The following C21orf58 variants were observed in gnomAD, a reference collection of about 807,000 sequenced individuals.
The protein encoded by C21orf58 is chromosome 21 open reading frame 58.
A neutral mutation model predicts 35.8 loss-of-function variants in C21orf58; 34 were observed. That is an observed-to-expected ratio of 0.95 (90% CI 0.72 to 1.26). The LOEUF (loss-of-function observed/expected upper bound fraction) is 1.26. C21orf58 is among the 50% of genes most tolerant of loss of function. The pLI, the probability that C21orf58 is intolerant of heterozygous loss-of-function variation, is 0.00. For synonymous variants in C21orf58, 191 were observed against 175.8 expected (o/e 1.09, Z -0.68); for missense variants, 440 against 414.3 (o/e 1.06, Z -0.54).
intron 1 of C21orf58, 56 bp downstream of exon 1, chr21:46,322,583 T>A (rs981171485): frequency 1.8e-5 from 25 of 1,422,352 alleles, no homozygotes; most frequent in Non-Finnish European, 2.2e-5. Flanking sequence ...CAGAGTTTGC[T>A]CAAACCACCC....
At chr21:46,313,613 C>T (rs896114367) in intron 5 of C21orf58, among the ~76,000 whole-genome samples, 2 of 152,188 alleles carry the variant, frequency 1.3e-5, no homozygotes, top group African/African-American at 2.4e-5. Context: ...GGGGGGTCCA[C>T]AGCAATGACC....
In C21orf58 at chr21:46,322,687, C is replaced by A; in HGVS notation, c.52G>T (p.Asp18Tyr). The part of the protein sequence containing the change: ...ATSLRKPWKL[D>Y]RQKLPSPDSG... Reference sequence around the variant, plus strand: ...TCAGGAGAAGGAAGTTTCTGGCGGTCGAGCTTCCACGGCTTCCTGAGGGAG... The same window carrying A: ...TCAGGAGAAGGAAGTTTCTGGCGGTAGAGCTTCCACGGCTTCCTGAGGGAG... Residue 18 changes from aspartate to tyrosine, a missense_variant, in exon 1 of 8, where the codon GAC (aspartate) becomes TAC (tyrosine). Asp to Tyr is a radical substitution (Grantham distance 160, BLOSUM62 -3). Transcript: ENST00000291691. The A allele has an allele frequency of 6.3e-7, 1 of 1,582,936 alleles. No homozygotes were observed. Among genetic ancestry groups the A allele is most frequent in the South Asian group, 1.2e-5 (1 of 86,552 alleles).
chr21:46,302,662 C>T (rs1336607962), intron 6 of C21orf58, 86 bp from the exon 7 acceptor site: 7 of 1,095,790 alleles, frequency 6.4e-6, no homozygotes, highest in Non-Finnish European at 8.1e-6. Flanking sequence ...GACCAGAGAA[C>T]AGGTGTGTCT....
Position 46,315,525 on chromosome 21 carries a change from A to G in C21orf58, c.393T>C (p.Asp131=), listed in dbSNP as rs567040784. ...TTCTCTTCAGAGCAGTCTGCAGGGC[A>G]TCGTCCGGCCGGTCCTCATTTCCTG... is the stretch of plus-strand genomic sequence containing the variant. ...LEPGNEDRPD[D]ALQTALKRRR... is the part of the protein sequence containing the mutation. The change falls in exon 4 of 8, where the codon GAT becomes GAC. Residue 131 remains aspartate, a synonymous_variant. Transcript: ENST00000291691. 7.4e-6 allele frequency: 12 copies of G among 1,611,918 alleles called. No homozygotes were observed. In the East Asian group the frequency reaches 8.9e-5, roughly 12 times the overall value.
At position 46,301,703 on chromosome 21, in the gene C21orf58, C is replaced by A. The variant is rs546150709; in HGVS notation, c.*296G>T. On this transcript the variant is annotated 3_prime_UTR_variant, in exon 8 of 8. Coordinates refer to ENST00000291691, the MANE Select transcript of C21orf58 (RefSeq NM_058180.5). ...GGGGGATCTGAGGCTCCCAGGTGGG[C>A]CGGCGCCGCCCTACAGGAAAGGAGG... The A allele has an allele frequency of 2.7e-5, 31 of 1,168,220 alleles. No homozygotes were observed. In the South Asian group the frequency reaches 9.1e-4, roughly 34 times the overall value. The allele number at this position is 1,168,220 out of a possible 1,614,324, so 72.4% of individuals were successfully genotyped here.
Position 46,314,770 on chromosome 21 carries a change from G to A in C21orf58, c.555C>T (p.Pro185=), listed in dbSNP as rs1409824858. ...PPELPPTGIL[P]TASPSPLAPD... is the part of the protein sequence containing the mutation. ...GGGCCAGCGGGGATGGGGAGGCAGTGGGTAGGATGCCCGTGGGGGGCAGCT... is the reference window on the plus strand; with the variant it reads ...GGGCCAGCGGGGATGGGGAGGCAGTAGGTAGGATGCCCGTGGGGGGCAGCT... The change falls in exon 5 of 8, where the codon CCC becomes CCT. Residue 185 remains proline (P), a synonymous_variant. Transcript: ENST00000291691. 9 of 1,520,178 alleles carry A rather than the reference G, an allele frequency of 5.9e-6. No homozygotes were observed. The highest frequency in any genetic ancestry group is 2.8e-5 in the African/African-American group (2 of 72,586). The allele number at this position is 1,520,178 out of a possible 1,614,324, so 94.2% of individuals were successfully genotyped here. A position where few individuals can be genotyped will look rare whatever the true frequency, so the allele number is the denominator to read the frequency against.
At chr21:46,322,342 C>A (rs2083195572) in intron 1 of C21orf58, 2 of 578,350 alleles carry the variant, frequency 3.5e-6, no homozygotes, top group South Asian at 7.5e-5. Flanking sequence ...ATTAGCAGAA[C>A]CTCTCTAGGA....
chr21:46,312,363 G>C (rs560234379), intron 5 of C21orf58, among the ~76,000 whole-genome samples: 51 of 152,178 alleles, frequency 3.4e-4, no homozygotes, highest in African/African-American at 1.1e-3. Context: ...TTGTCGCCCA[G>C]GCTGGAGTGC....
intron 6 of C21orf58, among the ~76,000 whole-genome samples, chr21:46,311,046 A>G (rs2082662808): frequency 6.6e-6 from 1 of 151,512 alleles, no homozygotes; most frequent in Non-Finnish European, 1.5e-5. Flanking sequence ...TGGTTTTTGT[A>G]TTTTTAGTAG....
intron 4 of C21orf58, 78 bp from the exon 5 acceptor site, chr21:46,314,958 C>G (rs901785968): frequency 3.7e-5 from 57 of 1,550,188 alleles, no homozygotes; most frequent in Non-Finnish European, 4.9e-5. Context: ...GCATCAGGCT[C>G]AGGCCAGCCT....
chr21:46,311,689 A>G, intron 5 of C21orf58, 122 bp from the exon 6 acceptor site: 5 of 509,552 alleles, frequency 9.8e-6, no homozygotes, highest in Non-Finnish European at 1.7e-5. Context: ...CCACCCATCC[A>G]TCCAACCAAC....
intron 5 of C21orf58, chr21:46,312,987 G>A: frequency 1.0e-6 from 1 of 985,426 alleles, no homozygotes; most frequent in Non-Finnish European, 1.2e-6. Context: ...AAGGCCTTCT[G>A]TTTTATCCTC....
chr21:46,301,907 C>T lies in C21orf58; in HGVS notation c.*92G>A. ...CACTCCGGGTGGTGGCAGGGTCTCT[C>T]CCTGCTCCCTTCCATAGTCCCGCCA... On this transcript the variant is annotated 3_prime_UTR_variant, in exon 8 of 8. Coordinates refer to ENST00000291691, the MANE Select transcript of C21orf58 (RefSeq NM_058180.5). 7.3e-7 allele frequency: 1 copy of T among 1,377,134 alleles called. No individual in the cohort carries two copies. The highest frequency in any genetic ancestry group is 9.4e-7 in the Non-Finnish European group (1 of 1,068,750). The allele number at this position is 1,377,134 out of a possible 1,614,324, so 85.3% of individuals were successfully genotyped here.
chr21:46,304,018 TG>T (rs1349836152), intron 6 of C21orf58, among the ~76,000 whole-genome samples: 1,304 of 117,196 alleles, frequency 0.011, 17 homozygotes, highest in Non-Finnish European at 0.015. Flanking sequence ...CCCAAAGTGC[TG>T]GTTTTTTTTT....
rs943988183 is a variant in C21orf58 at position 46,317,208 on chromosome 21, C to T, written c.370G>A (p.Gly124Arg). 3.1e-6 allele frequency: 5 copies of T among 1,610,358 alleles called. No individual in the cohort carries two copies. The highest frequency in any genetic ancestry group is 1.3e-5 in the African/African-American group (1 of 74,986). Residue 124 changes from glycine to arginine, a missense_variant and splice_region_variant, in exon 3 of 8, where the codon GGA becomes AGA. Transcript: ENST00000291691. ...TTCCAAGCAGCCCAGGGGCTCTCAC[C>T]TGGCTCGAGGTGGAGGCCCTCAGGT... ...GGPEGLHLEP[G>R]NEDRPDDALQ...
Position 46,315,492 on chromosome 21 carries a change from G to T in C21orf58, c.426C>A (p.Asp142Glu). 1 of 1,609,316 alleles carries T rather than the reference G, an allele frequency of 6.2e-7. No homozygotes were observed. Among genetic ancestry groups the T allele is most frequent in the Non-Finnish European group, 8.5e-7 (1 of 1,176,070 alleles). The change falls in exon 4 of 8, where the codon GAC becomes GAA. Residue 142 changes from aspartate (D) to glutamate (E), a missense_variant. Transcript: ENST00000291691. The part of the protein sequence containing the change: ...ALQTALKRRR[D>E]LLQRLREQHL... ...GGCCTACCCGGAGTCTCTGCAGAAG[G>T]TCCCTCCTTCTCTTCAGAGCAGTCT...
intron 6 of C21orf58, among the ~76,000 whole-genome samples, chr21:46,308,134 C>T (rs1346743391): frequency 2.0e-5 from 3 of 151,922 alleles, no homozygotes; most frequent in Non-Finnish European, 4.4e-5. Flanking sequence ...GCTGGGACTA[C>T]AGGCATGTGC....
At chr21:46,303,174 A>G (rs1048581927) in intron 6 of C21orf58, among the ~76,000 whole-genome samples, 1 of 151,958 alleles carries the variant, frequency 6.6e-6, no homozygotes, top group Non-Finnish European at 1.5e-5. Context: ...CAAGAAAAAA[A>G]AAAAATTAAA....
At chr21:46,314,614 A>T in intron 5 of C21orf58, 102 bp downstream of exon 5, 1 of 967,914 alleles carries the variant, frequency 1.0e-6, no homozygotes, top group Non-Finnish European at 1.5e-6. Context: ...GGGGGTGACG[A>T]GGCAACCTCG....
Sources: gnomAD v4.1 joint callset for allele counts (sites outside exome capture counted in the v4.1 genomes callset) on GRCh38, gnomAD v4.1.1 for gene constraint, MANE v1.5 for transcripts, NCBI Gene and HGNC (gene_info 2026-07-23, HGNC 2026-07-21) for gene names.